The following SYNRG variants were observed in gnomAD, a reference collection of about 807,000 sequenced individuals.
SYNRG encodes the protein synergin gamma.
A neutral mutation model predicts 130.9 loss-of-function variants in SYNRG; 37 were observed. The observed-to-expected ratio is 0.28, with a 90% CI of 0.22 to 0.37. The LOEUF (loss-of-function observed/expected upper bound fraction) is 0.37, where lower values mean the gene tolerates loss of function less well. Among genes scored for constraint, SYNRG ranks in the 10% least tolerant of loss-of-function variants. The probability of loss-of-function intolerance (pLI) is 1.00; values close to 1 mark genes in which losing one functional copy is unlikely to be tolerated. For synonymous variants in SYNRG, 539 were observed against 568.1 expected (o/e 0.95, Z 0.73); for missense variants, 1,338 against 1,588.9 (o/e 0.84, Z 2.68).
chr17:37,570,504 T>C (rs2145977210), intron 10 of SYNRG, 133 bp downstream of exon 10: 1 of 1,233,812 alleles, frequency 8.1e-7, no homozygotes, highest in Non-Finnish European at 1.1e-6. Context: ...TAGCAGTTTT[T>C]CTGAAAGATA....
intron 14 of SYNRG, among the ~76,000 whole-genome samples, chr17:37,550,627 CTAAAG>C (rs1247227988): frequency 6.7e-6 from 1 of 149,790 alleles, no homozygotes; most frequent in Non-Finnish European, 1.5e-5. Flanking sequence ...GAGGAATATA[CTAAAG>C]TAAATTTGAA....
At chr17:37,569,050 T>C in intron 10 of SYNRG, 126 bp from the exon 11 acceptor site, 5 of 958,598 alleles carry the variant, frequency 5.2e-6, no homozygotes, top group Non-Finnish European at 7.7e-6. Flanking sequence ...CTCAAGTGCT[T>C]ACGGCAGGAA....
chr17:37,602,315 C>G (rs1248455199), intron 1 of SYNRG, among the ~76,000 whole-genome samples: 1 of 145,370 alleles, frequency 6.9e-6, no homozygotes, highest in African/African-American at 2.6e-5. Context: ...TCAGCCTGGG[C>G]AACAAGAGTG....
chr17:37,592,737 C>T (rs774293847), intron 3 of SYNRG, among the ~76,000 whole-genome samples: 1 of 152,152 alleles, frequency 6.6e-6, no homozygotes, highest in Admixed American at 6.5e-5. Flanking sequence ...GGGGAACACA[C>T]TAGTGAATGC....
intron 11 of SYNRG, 156 bp downstream of exon 11, chr17:37,568,635 T>C (rs2060179523): frequency 9.1e-6 from 7 of 767,464 alleles, no homozygotes; most frequent in Non-Finnish European, 1.2e-5. Flanking sequence ...GGAGAGAAGT[T>C]TGAAAAGTAA....
intron 11 of SYNRG, among the ~76,000 whole-genome samples, chr17:37,566,177 C>A (rs1418040932): frequency 6.6e-6 from 1 of 152,298 alleles, no homozygotes; most frequent in African/African-American, 2.4e-5. Flanking sequence ...ACAATGGCGG[C>A]TTTGTGGAAT....
chr17:37,571,814 G>T lies in SYNRG; in HGVS notation c.1075C>A (p.Leu359Ile), dbSNP rs777124583. ...ACCTGTGTTACCGCTATCATGGCTA[G>T]AACGGTATAAAGTTCTTCTTTTGTA... is the stretch of plus-strand genomic sequence containing the variant. ...KLTKEELYTV[L>I]AMIAVTQRGV... Residue 359 changes from leucine (L) to isoleucine (I), a missense_variant, in exon 9 of 22, where the codon CTA (leucine) becomes ATA (isoleucine). Leu to Ile is a conservative substitution (Grantham distance 5). Coordinates refer to ENST00000612223, the MANE Select transcript of SYNRG (RefSeq NM_007247.6). The T allele has an allele frequency of 1.2e-6, 2 of 1,613,430 alleles. No individual in the cohort carries two copies. Among genetic ancestry groups the T allele is most frequent in the South Asian group, 2.2e-5 (2 of 90,982 alleles).
intron 19 of SYNRG, among the ~76,000 whole-genome samples, chr17:37,534,882 T>C (rs960905243): frequency 1.3e-5 from 2 of 149,684 alleles, no homozygotes; most frequent in Non-Finnish European, 3.0e-5. Context: ...CCCATTCAGA[T>C]GGGTCGCAGA....
intron 6 of SYNRG, chr17:37,584,322 T>C (rs1861396241): frequency 4.9e-6 from 1 of 203,772 alleles, no homozygotes; most frequent in Middle Eastern, 2.0e-3. Flanking sequence ...ACAATGAGAA[T>C]TAAATGGTAA....
intron 1 of SYNRG, among the ~76,000 whole-genome samples, chr17:37,603,504 T>C (rs1239967788): frequency 2.0e-5 from 3 of 152,118 alleles, no homozygotes; most frequent in Non-Finnish European, 2.9e-5. Context: ...ATTTCTCAAA[T>C]AATAAGAGAT....
chr17:37,596,209 A>G lies in SYNRG; in HGVS notation c.240+14T>C, dbSNP rs946859602. 3.7e-6 allele frequency: 6 copies of G among 1,612,382 alleles called. No individual in the cohort carries two copies. In the African/African-American group the frequency reaches 8.0e-5, roughly 22 times the overall value. On this transcript the variant is annotated intron_variant, in intron 3 of 21. Transcript: ENST00000612223. Reference sequence around the variant, plus strand: ...ACAATAACTTTGTAAGAAACCAACTAAAGAAGCAAGTACCTGCATAGCAAT... The same window carrying G: ...ACAATAACTTTGTAAGAAACCAACTGAAGAAGCAAGTACCTGCATAGCAAT...
At chr17:37,594,177 CAATATTAATTATTTTAATTATATTAAT>C (rs2062479845) in intron 3 of SYNRG, among the ~76,000 whole-genome samples, 1 of 89,940 alleles carries the variant, frequency 1.1e-5, no homozygotes, top group African/African-American at 5.2e-5. Flanking sequence ...ATATTAATTA[CAATATTAATTATTTTAATTATATTAAT>C]TACAATATTA....
Position 37,570,811 on chromosome 17 carries a change from A to G in SYNRG, c.1173T>C (p.Phe391=). The G allele has an allele frequency of 6.2e-7, 1 of 1,614,230 alleles. No homozygotes were observed. Among genetic ancestry groups the G allele is most frequent in the South Asian group, 1.1e-5 (1 of 91,084 alleles). Residue 391 remains phenylalanine (F), a synonymous_variant, in exon 10 of 22, where the codon TTT becomes TTC. Coordinates refer to ENST00000612223, the MANE Select transcript of SYNRG (RefSeq NM_007247.6). ...TCACCGGTGTAGGCAGAGTCATAGA[A>G]AAGCCACTTAAAGTTGGAATAGGAG... ...PAAPIPTLSG[F]SMTLPTPVSQ... is the part of the protein sequence containing the mutation.
intron 6 of SYNRG, chr17:37,579,019 C>T (rs189850474): frequency 7.1e-4 from 529 of 746,236 alleles, no homozygotes; most frequent in Non-Finnish European, 8.3e-4. Context: ...AGCAGTCATA[C>T]ATTTATGTGC....
At chr17:37,530,432 T>A (rs2056502698) in intron 19 of SYNRG, among the ~76,000 whole-genome samples, 1 of 152,148 alleles carries the variant, frequency 6.6e-6, no homozygotes, top group Non-Finnish European at 1.5e-5. Flanking sequence ...CATCCTTCTC[T>A]ACCCCACAGC....
Position 37,586,487 on chromosome 17 carries a change from G to A in SYNRG, c.303C>T (p.Phe101=), listed in dbSNP as rs1350741844. 6 of 1,614,206 alleles carry A rather than the reference G, an allele frequency of 3.7e-6. No homozygotes were observed. The Admixed American group carries it at 8.3e-5, about 22-fold the overall frequency. The change falls in exon 4 of 22, where the codon TTC becomes TTT. Residue 101 remains phenylalanine, a synonymous_variant. Transcript: ENST00000612223. ...GTGGGCCTGGAGGACGCATGCCCAGGAAGGGTGCTTGTCCTAGGTAAGGCA... is the reference window on the plus strand; with the variant it reads ...GTGGGCCTGGAGGACGCATGCCCAGAAAGGGTGCTTGTCCTAGGTAAGGCA... ...AGMPYLGQAP[F]LGMRPPGPQY...
intron 19 of SYNRG, 47 bp from the exon 20 acceptor site, chr17:37,520,695 C>T (rs368314515): frequency 4.8e-5 from 73 of 1,508,416 alleles, no homozygotes; most frequent in African/African-American, 4.1e-5. Context: ...CAAGTCCACA[C>T]GCTGTTCACT....
At chr17:37,533,588 CTTT>C (rs533546189) in intron 19 of SYNRG, among the ~76,000 whole-genome samples, 5 of 135,364 alleles carry the variant, frequency 3.7e-5, no homozygotes, top group Admixed American at 7.3e-5. Flanking sequence ...TTTTCTTTTT[CTTT>C]TTTTTTTTTT....
At chr17:37,519,097 G>A (rs1173470935) in intron 21 of SYNRG, 26 bp from the exon 22 acceptor site, 2 of 1,606,714 alleles carry the variant, frequency 1.2e-6, no homozygotes, top group Non-Finnish European at 1.7e-6. Context: ...AGAGATGTGG[G>A]GCAAGTCAGG....
Sources: allele counts gnomAD v4.1 joint callset (sites outside exome capture counted in the v4.1 genomes callset), GRCh38; gene constraint gnomAD v4.1.1; transcripts MANE v1.5; gene names NCBI Gene and HGNC (gene_info 2026-07-23, HGNC 2026-07-21).